CPQ: variants seen among roughly 807,000 people sequenced by gnomAD.
The protein encoded by CPQ is Ser-Met dipeptidase.
In CPQ, 37 loss-of-function variants were observed where a neutral mutation model predicts 45.7. The observed-to-expected ratio is 0.81, with a 90% CI of 0.62 to 1.07. The LOEUF is 1.07. Among genes scored for constraint, CPQ ranks in the 50% least tolerant of loss-of-function variants. CPQ has a pLI of 0.00. For missense variants in CPQ, 537 were observed against 572.9 expected, an observed-to-expected ratio of 0.94 and a Z score of 0.64; for synonymous variants, 186 against 205.8, an observed-to-expected ratio of 0.90 and a Z score of 0.82.
chr8:96,740,336 T>A (rs555959861), intron 1 of CPQ, among the ~76,000 whole-genome samples: 2 of 152,330 alleles, frequency 1.3e-5, no homozygotes, highest in African/African-American at 4.8e-5. Context: ...TTGCTGAAGT[T>A]GCTTATCAGC....
At chr8:97,040,261 G>C (rs567295901) in intron 6 of CPQ, among the ~76,000 whole-genome samples, 1 of 152,334 alleles carries the variant, frequency 6.6e-6, no homozygotes, top group Non-Finnish European at 1.5e-5. Context: ...TCATGTGTCT[G>C]TTTTCTGCAT....
At position 97,056,993 on chromosome 8, in the gene CPQ, C is replaced by T. The variant is rs146152294; in HGVS notation, c.1054-9016C>T. Among the ~76,000 whole-genome samples the T allele has an allele frequency of 4.6e-5, 7 of 152,278 alleles. No homozygotes were observed. In the East Asian group the frequency reaches 1.2e-3, roughly 25 times the overall value. On this transcript the variant is annotated intron_variant, in intron 6 of 7. Transcript: ENST00000220763. Reference sequence around the variant, plus strand: ...GCCAGTTATTGCCTCTGCTGGTAAACTCTCCCCTCCTTTAGGAAAGCAACC... The same window carrying T: ...GCCAGTTATTGCCTCTGCTGGTAAATTCTCCCCTCCTTTAGGAAAGCAACC...
intron 4 of CPQ, among the ~76,000 whole-genome samples, chr8:96,925,522 A>G (rs1333713070): frequency 6.6e-6 from 1 of 151,558 alleles, no homozygotes; most frequent in Non-Finnish European, 1.5e-5. Context: ...AGTTGGGATT[A>G]TAGGTGCCTG....
chr8:96,983,504 AT>A (rs1406127946), intron 5 of CPQ, among the ~76,000 whole-genome samples: 1 of 152,116 alleles, frequency 6.6e-6, no homozygotes, highest in African/African-American at 2.4e-5. Flanking sequence ...ACTGGTCAAT[AT>A]TTTTTTAAAT....
At chr8:96,659,433 G>T (rs1394108730) in intron 1 of CPQ, 3 of 152,110 alleles carry the variant, frequency 2.0e-5, no homozygotes, top group Non-Finnish European at 4.4e-5. Context: ...AAAGTCGCTG[G>T]TTTTCACTTT....
chr8:96,777,235 T>G (rs1039284660), intron 1 of CPQ, among the ~76,000 whole-genome samples: 1 of 152,036 alleles, frequency 6.6e-6, no homozygotes, highest in African/African-American at 2.4e-5. Flanking sequence ...GACAAGTAGG[T>G]AGATGATGAG....
chr8:97,106,353 C>T (rs1811403461), intron 7 of CPQ, among the ~76,000 whole-genome samples: 1 of 152,186 alleles, frequency 6.6e-6, no homozygotes, highest in Non-Finnish European at 1.5e-5. Flanking sequence ...AAGTGATAGA[C>T]TGCAAGTTCT....
intron 1 of CPQ, among the ~76,000 whole-genome samples, chr8:96,688,983 G>T (rs1451734247): frequency 6.6e-6 from 1 of 151,942 alleles, no homozygotes. Flanking sequence ...TTTCTTCTTG[G>T]TTACATTTAT....
chr8:96,752,732 T>C (rs545272035), intron 1 of CPQ, among the ~76,000 whole-genome samples: 1 of 152,258 alleles, frequency 6.6e-6, no homozygotes, highest in Admixed American at 6.5e-5. Flanking sequence ...GCTTTCAGCT[T>C]TTGCCCACTC....
At chr8:96,803,982 A>C (rs1013967829) in intron 2 of CPQ, among the ~76,000 whole-genome samples, 1 of 152,184 alleles carries the variant, frequency 6.6e-6, no homozygotes, top group Non-Finnish European at 1.5e-5. Context: ...AGGAGATAGC[A>C]CTGGTGTAAT....
intron 1 of CPQ, among the ~76,000 whole-genome samples, chr8:96,745,858 T>C (rs1053440588): frequency 6.6e-6 from 1 of 152,248 alleles, no homozygotes. Context: ...AATGTGGTCA[T>C]GTGTCAGGAC....
At chr8:97,008,159 A>T (rs186046627) in intron 5 of CPQ, among the ~76,000 whole-genome samples, 205 of 152,204 alleles carry the variant, frequency 1.3e-3, no homozygotes, top group South Asian at 4.6e-3. Flanking sequence ...AATCCATTTA[A>T]TATCAGTTAT....
At chr8:96,840,918 G>A (rs1039441840) in intron 3 of CPQ, among the ~76,000 whole-genome samples, 2 of 152,162 alleles carry the variant, frequency 1.3e-5, no homozygotes, top group African/African-American at 4.8e-5. Context: ...AACCAGATTT[G>A]GTGATATATC....
chr8:96,965,695 T>G (rs895179738), intron 4 of CPQ, among the ~76,000 whole-genome samples: 3 of 152,184 alleles, frequency 2.0e-5, no homozygotes, highest in African/African-American at 7.2e-5. Context: ...TAGTCAAAAT[T>G]ATATTAATAA....
chr8:96,906,913 T>C (rs115451346), intron 4 of CPQ, among the ~76,000 whole-genome samples: 5,994 of 152,226 alleles, frequency 0.039, 173 homozygotes, highest in African/African-American at 0.069. Context: ...AAGAAGTCTA[T>C]TTTCTAATAA....
At chr8:96,968,868 A>AATC (rs1428638883) in intron 5 of CPQ, among the ~76,000 whole-genome samples, 14 of 152,248 alleles carry the variant, frequency 9.2e-5, no homozygotes, top group African/African-American at 3.4e-4. Flanking sequence ...TTGTAAATAT[A>AATC]ATCAGTCTTT....
At chr8:96,984,645 T>C (rs1258381805) in intron 5 of CPQ, among the ~76,000 whole-genome samples, 69 of 152,228 alleles carry the variant, frequency 4.5e-4, no homozygotes, top group Non-Finnish European at 1.2e-4. Flanking sequence ...TCTCAGGAAT[T>C]ATGTTGTGGT....
chr8:96,801,257 G>T (rs73277778), intron 2 of CPQ, among the ~76,000 whole-genome samples: 3,706 of 152,182 alleles, frequency 0.024, 102 homozygotes, highest in African/African-American at 0.063. Flanking sequence ...GATTAAATGT[G>T]TGAGCCACCA....
intron 3 of CPQ, among the ~76,000 whole-genome samples, chr8:96,852,998 G>A (rs1345305467): frequency 6.6e-6 from 1 of 152,192 alleles, no homozygotes; most frequent in Non-Finnish European, 1.5e-5. Flanking sequence ...AGACCCCTGT[G>A]GGCACATATT....
Sources: allele counts gnomAD v4.1 joint callset (sites outside exome capture counted in the v4.1 genomes callset), GRCh38; gene constraint gnomAD v4.1.1; transcripts MANE v1.5; gene names NCBI Gene and HGNC (gene_info 2026-07-23, HGNC 2026-07-21).